The following TAOK1 variants were observed in gnomAD, a reference collection of about 807,000 sequenced individuals.
TAOK1 encodes the protein TAO kinase 1, also known as serine/threonine-protein kinase TAO1.
Under a neutral mutation model 138.3 loss-of-function variants are expected in TAOK1, and 21 were observed. That is an observed-to-expected ratio of 0.15 (90% CI 0.11 to 0.22). The LOEUF is 0.22. Among genes scored for constraint, TAOK1 ranks in the 10% least tolerant of loss-of-function variants. TAOK1 has a pLI of 1.00. For missense variants in TAOK1, 651 were observed against 1,227.7 expected (o/e 0.53, Z 7.02); for synonymous variants, 361 against 398.4 (o/e 0.91, Z 1.12).
chr17:29,460,553 G>A (rs939973270), intron 2 of TAOK1, among the ~76,000 whole-genome samples: 23 of 152,142 alleles, frequency 1.5e-4, no homozygotes, highest in African/African-American at 5.3e-4. Flanking sequence ...GGGTATAGTG[G>A]GAACTAAAGA....
At chr17:29,501,232 A>G (rs1271691489) in intron 12 of TAOK1, among the ~76,000 whole-genome samples, 1 of 150,980 alleles carries the variant, frequency 6.6e-6, no homozygotes, top group Non-Finnish European at 1.5e-5. Context: ...AAAAAAAAAA[A>G]AAAAAAAAAA....
intron 1 of TAOK1, among the ~76,000 whole-genome samples, chr17:29,430,400 A>G (rs937848261): frequency 6.6e-6 from 1 of 152,218 alleles, no homozygotes; most frequent in African/African-American, 2.4e-5. Flanking sequence ...ATGTGAAGTT[A>G]CAAAGGTCAC....
rs1432651820 is a variant in TAOK1 at position 29,547,880 on chromosome 17, T to C, written c.*4858T>C. 6.6e-6 allele frequency: 1 copy of C among 152,174 alleles called. No homozygotes were observed. The highest frequency in any genetic ancestry group is 2.4e-5 in the African/African-American group (1 of 41,464). 9.4% of individuals were successfully genotyped at this position (152,174 alleles called of 1,614,324 possible). Reference sequence around the variant, plus strand: ...AGAGTTGGCTGTACACTTAGCGGACTTGCCTCTTGTATGCAAGGACTACTG... The same window carrying C: ...AGAGTTGGCTGTACACTTAGCGGACCTGCCTCTTGTATGCAAGGACTACTG... On this transcript the variant is annotated 3_prime_UTR_variant, in exon 20 of 20. Transcript: ENST00000261716.
At chr17:29,431,745 T>C (rs1905838372) in intron 1 of TAOK1, among the ~76,000 whole-genome samples, 1 of 151,890 alleles carries the variant, frequency 6.6e-6, no homozygotes, top group Non-Finnish European at 1.5e-5. Context: ...GTTCAAGCAA[T>C]TCTGCCTCAG....
At chr17:29,516,516 T>TC (rs2031818362) in intron 15 of TAOK1, among the ~76,000 whole-genome samples, 1 of 150,884 alleles carries the variant, frequency 6.6e-6, no homozygotes, top group South Asian at 2.1e-4. Context: ...TTTTTTTTTT[T>TC]TTTGAGACTG....
At chr17:29,422,696 T>C (rs1279051798) in intron 1 of TAOK1, among the ~76,000 whole-genome samples, 1 of 152,226 alleles carries the variant, frequency 6.6e-6, no homozygotes, top group East Asian at 1.9e-4. Context: ...TTGTTTCTTC[T>C]TTCTCTTTGG....
rs1360914161 is a variant in TAOK1 at position 29,545,089 on chromosome 17, G to T, written c.*2067G>T. 9 of 152,102 alleles carry T rather than the reference G, an allele frequency of 5.9e-5. No individual in the cohort carries two copies. Among genetic ancestry groups the T allele is most frequent in the Non-Finnish European group, 8.8e-5 (6 of 68,008 alleles). The allele number at this position is 152,102 out of a possible 1,614,324, so 9.4% of individuals were successfully genotyped here. On this transcript the variant is annotated 3_prime_UTR_variant, in exon 20 of 20. Transcript: ENST00000261716. ...CCATAGAGTTCACACAAAATTTTAG[G>T]CAGTGTTTCAAGAAGCACTCTTATG... is the stretch of plus-strand genomic sequence containing the variant.
At chr17:29,510,714 CAT>C (rs1482378505) in intron 14 of TAOK1, 148 bp from the exon 15 acceptor site, 1 of 491,116 alleles carries the variant, frequency 2.0e-6, no homozygotes, top group African/African-American at 2.0e-5. Context: ...CCAAGTAGCA[CAT>C]GTTTATAATT....
intron 1 of TAOK1, among the ~76,000 whole-genome samples, chr17:29,395,646 C>CTTTTTTTT (rs10591199): frequency 1.0e-4 from 13 of 129,784 alleles, no homozygotes; most frequent in South Asian, 2.4e-4. Flanking sequence ...GGTATGTGTA[C>CTTTTTTTT]TTTTTTTTTT....
At chr17:29,397,809 A>G (rs1226029041) in intron 1 of TAOK1, among the ~76,000 whole-genome samples, 1 of 149,946 alleles carries the variant, frequency 6.7e-6, no homozygotes, top group South Asian at 2.1e-4. Context: ...TCATGTATGT[A>G]TATATGTATA....
chr17:29,458,088 C>T (rs539695988), intron 2 of TAOK1, among the ~76,000 whole-genome samples: 13 of 148,676 alleles, frequency 8.7e-5, no homozygotes, highest in African/African-American at 2.5e-4. Context: ...CCAGCCTGGG[C>T]GACAGAGTGA....
At chr17:29,391,444 A>C (rs1904424106) in intron 1 of TAOK1, among the ~76,000 whole-genome samples, 1 of 152,122 alleles carries the variant, frequency 6.6e-6, no homozygotes, top group Non-Finnish European at 1.5e-5. Flanking sequence ...ACCCCCTAGC[A>C]CAGGAAATCT....
chr17:29,449,579 G>A (rs1291036634), intron 1 of TAOK1, among the ~76,000 whole-genome samples: 1 of 152,102 alleles, frequency 6.6e-6, no homozygotes, highest in African/African-American at 2.4e-5. Flanking sequence ...GGTGGCTTAT[G>A]CCTGTAATCC....
chr17:29,512,290 C>T (rs2031734805), intron 15 of TAOK1: 1 of 150,794 alleles, frequency 6.6e-6, no homozygotes, highest in Admixed American at 6.6e-5. Context: ...AAACTCCTGA[C>T]CTCAGACAAT....
At chr17:29,526,349 G>A (rs1294537350) in intron 17 of TAOK1, among the ~76,000 whole-genome samples, 1 of 152,144 alleles carries the variant, frequency 6.6e-6, no homozygotes, top group African/African-American at 2.4e-5. Context: ...TGAGGCAGAA[G>A]ATACTATCTA....
At chr17:29,499,556 C>T (rs1361526044) in intron 12 of TAOK1, among the ~76,000 whole-genome samples, 1 of 85,474 alleles carries the variant, frequency 1.2e-5, no homozygotes, top group Non-Finnish European at 2.4e-5. Flanking sequence ...TTCTTTCTTT[C>T]TTTCTTTCTT....
chr17:29,467,009 A>T (rs897871504), intron 2 of TAOK1, 136 bp from the exon 3 acceptor site: 5 of 486,380 alleles, frequency 1.0e-5, no homozygotes, highest in East Asian at 3.2e-5. Context: ...TGTTATTTTT[A>T]AAATTTTCTT....
At chr17:29,530,334 A>T (rs2032080344) in intron 17 of TAOK1, 73 bp from the exon 18 acceptor site, 1 of 1,298,004 alleles carries the variant, frequency 7.7e-7, no homozygotes, top group East Asian at 2.4e-5. Flanking sequence ...CTTTATTTTC[A>T]TGTATGTAAG....
chr17:29,533,509 T>G (rs1040620796), intron 18 of TAOK1, among the ~76,000 whole-genome samples: 6 of 151,984 alleles, frequency 3.9e-5, no homozygotes, highest in Non-Finnish European at 8.8e-5. Context: ...GTGGAGGTTG[T>G]AGCGAGCCGA....
Sources: allele counts gnomAD v4.1 joint callset (sites outside exome capture counted in the v4.1 genomes callset), GRCh38; gene constraint gnomAD v4.1.1; transcripts MANE v1.5; gene names NCBI Gene and HGNC (gene_info 2026-07-23, HGNC 2026-07-21).